TLK1: variants seen among roughly 807,000 people sequenced by gnomAD.
TLK1 encodes the protein serine/threonine-protein kinase tousled-like 1.
TLK1 carries 24 observed loss-of-function variants against 105.3 expected under a neutral mutation model. That is an observed-to-expected ratio of 0.23 (90% confidence interval 0.17 to 0.32). The LOEUF (loss-of-function observed/expected upper bound fraction) is 0.32. TLK1 is among the 10% of genes least tolerant of loss of function. The probability of loss-of-function intolerance (pLI) is 1.00; values close to 1 mark genes in which losing one functional copy is unlikely to be tolerated. For missense variants in TLK1, 558 were observed against 910.5 expected (o/e 0.61, Z 4.98); for synonymous variants, 321 against 310.4 (o/e 1.03, Z -0.36).
intron 11 of TLK1, among the ~76,000 whole-genome samples, chr2:171,041,615 G>A (rs1686680803): frequency 6.6e-6 from 1 of 152,158 alleles, no homozygotes; most frequent in South Asian, 2.1e-4. Context: ...GTTGTATGCT[G>A]CTTATGAAAA....
At chr2:171,160,915 C>T, upstream of TLK1, 2 of 248,088 alleles carry the variant, frequency 8.1e-6, no homozygotes, top group Non-Finnish European at 1.5e-5. The surrounding 1 kb of genome is among the most constrained non-coding windows in gnomAD (Gnocchi z 4.4). Flanking sequence ...GCGGCGGCGG[C>T]GTCACGCGCC....
intron 20 of TLK1, 49 bp from the exon 21 acceptor site, chr2:170,994,005 T>C (rs1429460393): frequency 6.6e-7 from 1 of 1,514,008 alleles, no homozygotes. Flanking sequence ...TTTTCCCTTC[T>C]AAATATCAAT....
intron 1 of TLK1, among the ~76,000 whole-genome samples, chr2:171,187,057 C>CAAAAAAAAAAAAAAAAAAAAAAAAAA (rs71013019): frequency 1.8e-4 from 6 of 34,058 alleles, no homozygotes; most frequent in African/African-American, 4.1e-4. Flanking sequence ...GACTCTGTCT[C>CAAAAAAAAAAAAAAAAAAAAAAAAAA]AAAAAAAAAA....
intron 1 of TLK1, among the ~76,000 whole-genome samples, chr2:171,125,370 T>G (rs1010101047): frequency 6.6e-6 from 1 of 152,242 alleles, no homozygotes; most frequent in Non-Finnish European, 1.5e-5. Flanking sequence ...GTTTTGCTAT[T>G]AAATTCAATA....
At chr2:171,016,062 G>C (rs922709744) in intron 12 of TLK1, among the ~76,000 whole-genome samples, 3 of 151,994 alleles carry the variant, frequency 2.0e-5, no homozygotes, top group African/African-American at 7.2e-5. Flanking sequence ...TGGGCAACAA[G>C]AGGGAAACTC....
chr2:171,214,179 T>C (rs1362953376), intron 1 of TLK1, among the ~76,000 whole-genome samples: 1 of 152,076 alleles, frequency 6.6e-6, no homozygotes, highest in East Asian at 1.9e-4. Flanking sequence ...CACTCCAGCC[T>C]GGGCAACAGA....
chr2:171,099,573 G>T (rs1689602814), intron 2 of TLK1, among the ~76,000 whole-genome samples: 1 of 152,134 alleles, frequency 6.6e-6, no homozygotes, highest in South Asian at 2.1e-4. Flanking sequence ...AAAGAACAGA[G>T]TTGGAGGATA....
At chr2:171,138,119 G>A (rs569597055) in intron 1 of TLK1, among the ~76,000 whole-genome samples, 1 of 152,100 alleles carries the variant, frequency 6.6e-6, no homozygotes, top group Admixed American at 6.5e-5. Context: ...GCAAGCTCAA[G>A]GGGGTAGAGA....
intron 1 of TLK1, among the ~76,000 whole-genome samples, chr2:171,129,662 G>T (rs1280284093): frequency 6.6e-6 from 1 of 151,804 alleles, no homozygotes; most frequent in Non-Finnish European, 1.5e-5. Context: ...AACCTGAAGA[G>T]ACCCCATCTC....
chr2:171,090,054 T>C (rs1373935290), intron 2 of TLK1, among the ~76,000 whole-genome samples: 2 of 152,228 alleles, frequency 1.3e-5, no homozygotes, highest in Non-Finnish European at 1.5e-5. Context: ...TAAGAACTGA[T>C]AGCTTTATAA....
intron 10 of TLK1, among the ~76,000 whole-genome samples, chr2:171,047,014 G>A (rs1325277659): frequency 6.6e-6 from 1 of 152,080 alleles, no homozygotes; most frequent in East Asian, 1.9e-4. Context: ...AGAAATTTAT[G>A]AGAAAAATTT....
chr2:171,197,145 G>A (rs1177935293), intron 1 of TLK1, among the ~76,000 whole-genome samples: 1 of 152,038 alleles, frequency 6.6e-6, no homozygotes. Context: ...ACAGTGTTAT[G>A]TTTTGTGTTA....
intron 1 of TLK1, among the ~76,000 whole-genome samples, chr2:171,172,147 C>T (rs917976297): frequency 6.6e-6 from 1 of 152,054 alleles, no homozygotes; most frequent in African/African-American, 2.4e-5. Flanking sequence ...TAATGTTGGG[C>T]AAAGGAAGAT....
At chr2:171,219,269 C>G (rs1442465874) in intron 1 of TLK1, among the ~76,000 whole-genome samples, 3 of 152,140 alleles carry the variant, frequency 2.0e-5, no homozygotes, top group Non-Finnish European at 4.4e-5. Flanking sequence ...TTGCCTCTTT[C>G]AAATTATGGA....
chr2:171,110,356 C>T (rs1230264873), intron 2 of TLK1, among the ~76,000 whole-genome samples: 2 of 152,220 alleles, frequency 1.3e-5, no homozygotes, highest in African/African-American at 4.8e-5. Flanking sequence ...GTAATCCCAG[C>T]TACTCGGGAG....
At chr2:171,135,256 C>T (rs1315174545) in intron 1 of TLK1, among the ~76,000 whole-genome samples, 2 of 150,058 alleles carry the variant, frequency 1.3e-5, no homozygotes, top group Non-Finnish European at 3.0e-5. Context: ...AGGAGGTGAC[C>T]GATATGTTAA....
chr2:171,135,002 A>G (rs1337765843), intron 1 of TLK1, among the ~76,000 whole-genome samples: 1 of 152,180 alleles, frequency 6.6e-6, no homozygotes, highest in Non-Finnish European at 1.5e-5. Context: ...CAAATACCAC[A>G]TAATCTCACT....
intron 1 of TLK1, among the ~76,000 whole-genome samples, chr2:171,129,399 G>A (rs1691004268): frequency 6.6e-6 from 1 of 152,096 alleles, no homozygotes; most frequent in African/African-American, 2.4e-5. Flanking sequence ...GGTGAAAGAA[G>A]GGCCACAGAA....
At chr2:171,182,841 G>A (rs1428383961) in intron 1 of TLK1, among the ~76,000 whole-genome samples, 6 of 150,350 alleles carry the variant, frequency 4.0e-5, no homozygotes, top group African/African-American at 7.4e-5. Flanking sequence ...AGGTTTGCTC[G>A]AGCCCAGGAG....
Sources: gnomAD v4.1 joint callset for allele counts (sites outside exome capture counted in the v4.1 genomes callset) on GRCh38, gnomAD v4.1.1 for gene constraint, Gnocchi (gnomAD v3.1) non-coding constraint, MANE v1.5 for transcripts, NCBI Gene and HGNC (gene_info 2026-07-23, HGNC 2026-07-21) for gene names.